The following PKD2L2 variants were observed in gnomAD, a reference collection of about 807,000 sequenced individuals.
PKD2L2 encodes polycystin-2-like protein 2.
In PKD2L2, 67 loss-of-function variants were observed where a neutral mutation model predicts 83.9. The observed-to-expected ratio is 0.80, with a 90% confidence interval of 0.66 to 0.98. PKD2L2 has a LOEUF of 0.98. PKD2L2 is among the 50% of genes least tolerant of loss of function. PKD2L2 has a pLI of 0.00. For missense variants in PKD2L2, 632 were observed against 717.2 expected, an observed-to-expected ratio of 0.88 and a Z score of 1.36; for synonymous variants, 223 against 237.8, an observed-to-expected ratio of 0.94 and a Z score of 0.57.
At chr5:137,920,755 C>A (rs1475012754) in intron 8 of PKD2L2, among the ~76,000 whole-genome samples, 1 of 62,588 alleles carries the variant, frequency 1.6e-5, no homozygotes, top group Non-Finnish European at 3.8e-5. Flanking sequence ...GAAACTCCAT[C>A]TAAAAAAAAA....
At chr5:137,926,624 C>A (rs78497764) in intron 12 of PKD2L2, among the ~76,000 whole-genome samples, 332 of 152,180 alleles carry the variant, frequency 2.2e-3, no homozygotes, top group African/African-American at 7.7e-3. Context: ...AGAATGACAC[C>A]CTAGTAGCAA....
At chr5:137,889,738 C>T (rs1174505424) in intron 1 of PKD2L2, among the ~76,000 whole-genome samples, 1 of 152,152 alleles carries the variant, frequency 6.6e-6, no homozygotes, top group African/African-American at 2.4e-5. Flanking sequence ...CGCCTCTTGC[C>T]GGAGGCTCGA....
At chr5:137,893,528 A>G (rs770883826) in intron 3 of PKD2L2, among the ~76,000 whole-genome samples, 20 of 152,328 alleles carry the variant, frequency 1.3e-4, no homozygotes, top group Non-Finnish European at 2.8e-4. Context: ...ATGACAATTT[A>G]GTTGCATTTT....
chr5:137,929,787 A>C (rs947330282), intron 12 of PKD2L2, among the ~76,000 whole-genome samples: 7 of 152,140 alleles, frequency 4.6e-5, no homozygotes, highest in African/African-American at 1.7e-4. Flanking sequence ...TGAATCACAA[A>C]GCAAACCCAG....
rs369584379 is a variant in PKD2L2, at chr5:137,894,628, T to C, written c.524+19T>C. 7.7e-5 allele frequency: 121 copies of C among 1,577,628 alleles called. No individual in the cohort carries two copies. Among genetic ancestry groups the C allele is most frequent in the Non-Finnish European group, 1.0e-4 (117 of 1,153,568 alleles). On this transcript the variant is annotated intron_variant, in intron 4 of 14. Transcript: ENST00000508883. ...ATACTGAGTAAGTAGCATAAAATTA[T>C]ACTGTAACTTTTTCTAGCATTTACT...
chr5:137,928,103 C>T (rs1447331135), intron 12 of PKD2L2, among the ~76,000 whole-genome samples: 2 of 152,120 alleles, frequency 1.3e-5, no homozygotes, highest in African/African-American at 4.8e-5. Context: ...AGAAGAACAC[C>T]TACAATATAT....
chr5:137,933,033 C>CA (rs1760005135), intron 12 of PKD2L2, among the ~76,000 whole-genome samples: 1 of 68,318 alleles, frequency 1.5e-5, no homozygotes, highest in Non-Finnish European at 2.9e-5. Context: ...AGAAACAGAA[C>CA]AAAAAACAAA....
In PKD2L2 at chr5:137,906,213, G is replaced by C. The variant is rs1757353609; in HGVS notation, c.754G>C (p.Ala252Pro). ...VNLFCIIRLV[A>P]EFPATGGILT... Reference sequence around the variant, plus strand: ...ACAAACCTGATTTTACAGATTGGTGGCAGAATTCCCTGCAACTGGAGGAAT... The same window carrying C: ...ACAAACCTGATTTTACAGATTGGTGCCAGAATTCCCTGCAACTGGAGGAAT... Residue 252 changes from alanine to proline, a missense_variant, in exon 6 of 15, where the codon GCA (alanine) becomes CCA (proline). Physicochemically the swap from Ala to Pro is conservative, Grantham distance 27. Transcript: ENST00000508883. 6.3e-7 allele frequency: 1 copy of C among 1,594,888 alleles called. No homozygotes were observed. The highest frequency in any genetic ancestry group is 1.3e-5 in the African/African-American group (1 of 74,190).
At chr5:137,903,198 G>A (rs898161153) in intron 5 of PKD2L2, among the ~76,000 whole-genome samples, 7 of 152,150 alleles carry the variant, frequency 4.6e-5, no homozygotes, top group African/African-American at 1.7e-4. Flanking sequence ...CTGGGTCCAA[G>A]TTAGCCCAGG....
chr5:137,935,209 G>C (rs1005463950), intron 12 of PKD2L2, among the ~76,000 whole-genome samples: 2 of 152,194 alleles, frequency 1.3e-5, no homozygotes, highest in African/African-American at 4.8e-5. Context: ...TGGGAAAAGG[G>C]TATTTGGACA....
At chr5:137,933,057 A>G (rs1760011573) in intron 12 of PKD2L2, among the ~76,000 whole-genome samples, 1 of 151,420 alleles carries the variant, frequency 6.6e-6, no homozygotes, top group Non-Finnish European at 1.5e-5. Context: ...AACCAAAAAA[A>G]AAAAAAAAAC....
chr5:137,938,337 AT>A (rs1350244787), intron 14 of PKD2L2: 1 of 152,668 alleles, frequency 6.6e-6, no homozygotes, highest in African/African-American at 2.4e-5. Context: ...TATTTAAAAC[AT>A]TTAAATAGTG....
At chr5:137,921,310 G>A (rs904614575) in intron 8 of PKD2L2, among the ~76,000 whole-genome samples, 15 of 149,498 alleles carry the variant, frequency 1.0e-4, no homozygotes, top group African/African-American at 2.7e-4. Context: ...GCAGTGAGCC[G>A]AGATAGCACC....
In PKD2L2 at chr5:137,890,474, C is replaced by A. The variant is rs201417541; in HGVS notation, c.32-7C>A. The A allele has an allele frequency of 6.6e-7, 1 of 1,526,290 alleles. No homozygotes were observed. The highest frequency in any genetic ancestry group is 1.2e-5 in the South Asian group (1 of 80,686). The allele number at this position is 1,526,290 out of a possible 1,614,324, so 94.5% of individuals were successfully genotyped here. A position where few individuals can be genotyped will look rare whatever the true frequency, so the allele number is the denominator to read the frequency against. On this transcript the variant is annotated splice_region_variant and splice_polypyrimidine_tract_variant and intron_variant, in intron 1 of 14. Coordinates refer to ENST00000508883, the MANE Select transcript of PKD2L2 (RefSeq NM_001300921.2). ...TGTAAAGAAAAATTTTGTCTTATATCTCACAGGGGCTTCGAAACATAAGTT... is the reference window on the plus strand; with the variant it reads ...TGTAAAGAAAAATTTTGTCTTATATATCACAGGGGCTTCGAAACATAAGTT...
intron 8 of PKD2L2, among the ~76,000 whole-genome samples, chr5:137,913,582 C>T (rs1220460431): frequency 6.6e-6 from 1 of 151,646 alleles, no homozygotes; most frequent in Non-Finnish European, 1.5e-5. Context: ...CCTCCACCTC[C>T]CAGGTTCAAG....
intron 5 of PKD2L2, among the ~76,000 whole-genome samples, chr5:137,901,093 G>A (rs901296096): frequency 4.0e-5 from 6 of 150,888 alleles, no homozygotes; most frequent in Non-Finnish European, 7.4e-5. Flanking sequence ...CCGAGATAGC[G>A]CCATTGCACT....
At position 137,890,550 on chromosome 5, in the gene PKD2L2, T is replaced by C. The variant is rs1188599832; in HGVS notation, c.101T>C (p.Leu34Pro). 1 of 1,541,968 alleles carries C rather than the reference T, an allele frequency of 6.5e-7. No individual in the cohort carries two copies. Among genetic ancestry groups the C allele is most frequent in the South Asian group, 1.2e-5 (1 of 82,770 alleles). ...ACAACCACACTTCAGGAATTGTTAC[T>C]CTACTTTATTTTTTTAATAAACCTA... ...EITTTLQELL[L>P]YFIFLINLCI... is the part of the protein sequence containing the mutation. Residue 34 changes from leucine (L) to proline (P), a missense_variant, in exon 2 of 15, where the codon CTC becomes CCC. Leu to Pro is a moderately conservative substitution (Grantham distance 98). This residue lies in a region of PKD2L2 where 229 missense variants were observed against 281.5 expected (regional missense o/e 0.81). Transcript: ENST00000508883.
chr5:137,907,625 C>A, intron 6 of PKD2L2, 117 bp from the exon 7 acceptor site: 1 of 453,632 alleles, frequency 2.2e-6, no homozygotes. Context: ...TATGTCCTAT[C>A]TTTCCTTCCC....
intron 9 of PKD2L2, among the ~76,000 whole-genome samples, chr5:137,922,808 T>C (rs539992302): frequency 3.9e-5 from 6 of 152,118 alleles, no homozygotes; most frequent in Non-Finnish European, 8.8e-5. Context: ...TTATGTAATA[T>C]TAATTTGTGT....
Sources: allele counts gnomAD v4.1 joint callset (sites outside exome capture counted in the v4.1 genomes callset), GRCh38; gene constraint gnomAD v4.1.1; regional missense constraint gnomAD v4.1.1; transcripts MANE v1.5; gene names NCBI Gene and HGNC (gene_info 2026-07-23, HGNC 2026-07-21).